Variants in FAM167A observed in about 807,000 individuals in gnomAD.
The protein encoded by FAM167A is family with sequence similarity 167 member A, also known as protein FAM167A.
In FAM167A, 23 loss-of-function variants were observed where a neutral mutation model predicts 14.9. The ratio of observed to expected loss-of-function variants is 1.55; its 90% CI spans 1.11 to 2.19. FAM167A has a LOEUF of 2.19. FAM167A is among the 30% of genes most tolerant of loss of function. The pLI, the probability that FAM167A is intolerant of heterozygous loss-of-function variation, is 0.00. For missense variants in FAM167A, 401 were observed against 281.5 expected, an observed-to-expected ratio of 1.42 and a Z score of -3.04; for synonymous variants, 174 against 117.7, an observed-to-expected ratio of 1.48 and a Z score of -3.10.
chr8:11,429,651 T>A (rs1373783696), intron 2 of FAM167A, among the ~76,000 whole-genome samples: 1 of 152,142 alleles, frequency 6.6e-6, no homozygotes, highest in Non-Finnish European at 1.5e-5. Context: ...TGGACCACAC[T>A]CGGGCCTGTC....
intron 1 of FAM167A, among the ~76,000 whole-genome samples, chr8:11,458,408 C>T (rs896790551): frequency 6.6e-6 from 1 of 152,156 alleles, no homozygotes; most frequent in Non-Finnish European, 1.5e-5. Context: ...TGATGTGCCT[C>T]TCGGGTGAAC....
chr8:11,438,667 C>T (rs1806220593), intron 2 of FAM167A: 1 of 385,586 alleles, frequency 2.6e-6, no homozygotes, highest in Admixed American at 3.3e-5. Context: ...TATTTCCTTT[C>T]CTGGTTCTTT....
chr8:11,469,436 G>A (rs1406350549), upstream of FAM167A, among the ~76,000 whole-genome samples: 4 of 152,128 alleles, frequency 2.6e-5, no homozygotes, highest in African/African-American at 7.2e-5. Context: ...GATCTGGGTG[G>A]GCCAGAGAAG....
Position 11,421,934 on chromosome 8 carries a change from G to A in FAM167A, c.*2439C>T, listed in dbSNP as rs754720123. 1.3e-5 allele frequency: 5 copies of A among 397,962 alleles called. No individual in the cohort carries two copies. The highest frequency in any genetic ancestry group is 8.8e-5 in the Admixed American group (2 of 22,706). 24.7% of individuals were successfully genotyped at this position (397,962 alleles called of 1,614,324 possible). A position where few individuals can be genotyped will look rare whatever the true frequency, so the allele number is the denominator to read the frequency against. Reference sequence around the variant, plus strand: ...ATTAATGTGGTTAGTTGTGTTCACTGTGCAAAGTAAGGAAGCCAGTCAACA... The same window carrying A: ...ATTAATGTGGTTAGTTGTGTTCACTATGCAAAGTAAGGAAGCCAGTCAACA... On this transcript the variant is annotated 3_prime_UTR_variant, in exon 3 of 3. Coordinates refer to ENST00000284486, the MANE Select transcript of FAM167A (RefSeq NM_053279.3).
chr8:11,465,866 C>T (rs991328132), intron 1 of FAM167A, among the ~76,000 whole-genome samples: 1 of 152,210 alleles, frequency 6.6e-6, no homozygotes, highest in African/African-American at 2.4e-5. Context: ...CAGTGGCCAG[C>T]CCCCAACCTA....
At chr8:11,439,423 G>A (rs1237690703) in intron 2 of FAM167A, among the ~76,000 whole-genome samples, 1 of 152,260 alleles carries the variant, frequency 6.6e-6, no homozygotes, top group East Asian at 1.9e-4. Flanking sequence ...TGCATACCAA[G>A]CAGGCAGCAC....
At position 11,424,421 on chromosome 8, in the gene FAM167A, A is replaced by C. The variant is rs143743025; in HGVS notation, c.597T>G (p.Ile199Met). 7.4e-6 allele frequency: 12 copies of C among 1,613,846 alleles called. No individual in the cohort carries two copies. Among genetic ancestry groups the C allele is most frequent in the Non-Finnish European group, 1.0e-5 (12 of 1,179,974 alleles). ...SFSLSTPLKL[I>M]GVTKMNINSR... ...AGTTGATGTTCATCTTGGTCACGCC[A>C]ATAAGCTTGAGTGGTGTGGAGAGGC... The change falls in exon 3 of 3, where the codon ATT becomes ATG. Residue 199 changes from isoleucine to methionine, a missense_variant. Physicochemically the swap from Ile to Met is conservative, Grantham distance 10. Coordinates refer to ENST00000284486, the MANE Select transcript of FAM167A (RefSeq NM_053279.3).
upstream of FAM167A, among the ~76,000 whole-genome samples, chr8:11,469,219 A>G (rs531871661): frequency 5.9e-5 from 9 of 152,332 alleles, no homozygotes; most frequent in Admixed American, 1.3e-4. Flanking sequence ...GAGTGTATGC[A>G]AATATTAGCT....
Position 11,444,117 on chromosome 8 carries a change from T to G in FAM167A, c.295A>C (p.Ser99Arg). 2 of 1,613,278 alleles carry G rather than the reference T, an allele frequency of 1.2e-6. No individual in the cohort carries two copies. Among genetic ancestry groups the G allele is most frequent in the Non-Finnish European group, 8.5e-7 (1 of 1,179,978 alleles). The change falls in exon 2 of 3, where the codon AGC (serine) becomes CGC (arginine). Residue 99 changes from serine to arginine, a missense_variant. Ser to Arg is a moderately radical substitution (Grantham distance 110). Coordinates refer to ENST00000284486, the MANE Select transcript of FAM167A (RefSeq NM_053279.3). ...GTGGACAGGGGTCTGGCACCTTGGC[T>G]GGCACTCCTGGCAGAAGGGGGGTGC... ...GQHPPSARSASQGARPLSTGK... is the reference protein window; with the variant it reads ...GQHPPSARSARQGARPLSTGK...
At chr8:11,443,890 T>A in intron 2 of FAM167A, 141 bp downstream of exon 2, 1 of 1,105,458 alleles carries the variant, frequency 9.0e-7, no homozygotes, top group Non-Finnish European at 1.3e-6. Context: ...ACGGGAAGAT[T>A]ACAGATGTGC....
chr8:11,441,933 G>A (rs1182391109), intron 2 of FAM167A, among the ~76,000 whole-genome samples: 1 of 152,238 alleles, frequency 6.6e-6, no homozygotes, highest in Non-Finnish European at 1.5e-5. Flanking sequence ...AATTAGAAGA[G>A]GTGAGTAATG....
In FAM167A at chr8:11,444,632, T is replaced by G; in HGVS notation, c.-221A>C. 2 of 1,353,266 alleles carry G rather than the reference T, an allele frequency of 1.5e-6. No individual in the cohort carries two copies. The highest frequency in any genetic ancestry group is 1.9e-6 in the Non-Finnish European group (2 of 1,057,954). 83.8% of individuals were successfully genotyped at this position (1,353,266 alleles called of 1,614,324 possible). A position where few individuals can be genotyped will look rare whatever the true frequency, so the allele number is the denominator to read the frequency against. ...CCCTCCTGGAGGCTCGGGTCTATGA[T>G]CCGTCCTGGAAGCCTGTGGGTGCCA... On this transcript the variant is annotated 5_prime_UTR_variant, in exon 2 of 3. Transcript: ENST00000284486.
At chr8:11,459,811 G>T (rs1031736150) in intron 1 of FAM167A, among the ~76,000 whole-genome samples, 12 of 152,194 alleles carry the variant, frequency 7.9e-5, no homozygotes, top group African/African-American at 2.9e-4. Flanking sequence ...GCTTCCCAAG[G>T]TTCAAGTGAT....
At chr8:11,438,516 A>G (rs1387490803) in intron 2 of FAM167A, 1 of 457,110 alleles carries the variant, frequency 2.2e-6, no homozygotes, top group East Asian at 6.9e-5. Flanking sequence ...TGGTGCTAGC[A>G]CTTTTGCTTC....
chr8:11,445,609 C>T (rs967001907), intron 1 of FAM167A: 70 of 985,352 alleles, frequency 7.1e-5, no homozygotes, highest in Non-Finnish European at 8.2e-5. Context: ...TCTGATGTGG[C>T]CTCCCCATCT....
At chr8:11,445,339 G>T in intron 1 of FAM167A, 2 of 986,194 alleles carry the variant, frequency 2.0e-6, no homozygotes, top group Non-Finnish European at 2.4e-6. Flanking sequence ...ACCCACCACA[G>T]GTCCTGTCCT....
At chr8:11,430,792 T>G (rs1320048601) in intron 2 of FAM167A, among the ~76,000 whole-genome samples, 1 of 152,066 alleles carries the variant, frequency 6.6e-6, no homozygotes, top group East Asian at 1.9e-4. Flanking sequence ...AAGGCGGCCC[T>G]GGAAGAAGGA....
chr8:11,436,775 G>C (rs945004928), intron 2 of FAM167A, among the ~76,000 whole-genome samples: 2 of 152,178 alleles, frequency 1.3e-5, no homozygotes, highest in African/African-American at 4.8e-5. Flanking sequence ...GGCTTTTCTT[G>C]GGTTCTCTAT....
At chr8:11,430,589 T>C (rs957193053) in intron 2 of FAM167A, among the ~76,000 whole-genome samples, 1 of 152,214 alleles carries the variant, frequency 6.6e-6, no homozygotes, top group Non-Finnish European at 1.5e-5. Flanking sequence ...TGAAAAATTT[T>C]AAACACCAAT....
Sources: gnomAD v4.1 joint callset for allele counts (sites outside exome capture counted in the v4.1 genomes callset) on GRCh38, gnomAD v4.1.1 for gene constraint, MANE v1.5 for transcripts, NCBI Gene and HGNC (gene_info 2026-07-23, HGNC 2026-07-21) for gene names.